Variants in C6orf132 observed in about 807,000 individuals in gnomAD.
C6orf132 encodes the protein chromosome 6 open reading frame 132.
In C6orf132, 43 loss-of-function variants were observed where a neutral mutation model predicts 65.3. The observed-to-expected ratio is 0.66, with a 90% confidence interval of 0.52 to 0.85. The LOEUF is 0.85. Among genes scored for constraint, C6orf132 ranks in the 40% least tolerant of loss-of-function variants. The pLI is 0.00. For missense variants in C6orf132, 1,488 were observed against 1,548.8 expected, an observed-to-expected ratio of 0.96 and a Z score of 0.66; for synonymous variants, 631 against 654.1, an observed-to-expected ratio of 0.96 and a Z score of 0.54.
At position 42,104,762 on chromosome 6, in the gene C6orf132, G is replaced by A. The variant is rs1218464181; in HGVS notation, c.3150C>T (p.Gly1050=). 9.6e-5 allele frequency: 146 copies of A among 1,513,848 alleles called. No individual in the cohort carries two copies. Among genetic ancestry groups the A allele is most frequent in the Non-Finnish European group, 1.2e-4 (134 of 1,137,656 alleles). 93.8% of individuals were successfully genotyped at this position (1,513,848 alleles called of 1,614,324 possible). ...PAGARYAGAG[G]LERFSGGGRS... Reference sequence around the variant, plus strand: ...GGCCCCCTCCCGAGAAGCGCTCCAGGCCCCCAGCCCCGGCGTAGCGCGCGC... The same window carrying A: ...GGCCCCCTCCCGAGAAGCGCTCCAGACCCCCAGCCCCGGCGTAGCGCGCGC... The change falls in exon 4 of 5, where the codon GGC becomes GGT. Residue 1050 remains glycine, a synonymous_variant. Transcript: ENST00000341865. The surrounding 1 kb of genome is among the most constrained non-coding windows in gnomAD (Gnocchi z 4.1).
At chr6:42,107,652 C>A in intron 3 of C6orf132, 69 bp from the exon 4 acceptor site, 1 of 1,542,722 alleles carries the variant, frequency 6.5e-7, no homozygotes, top group Non-Finnish European at 8.8e-7. Context: ...TTCTGTTTAC[C>A]CAGGGCAGGG....
intron 2 of C6orf132, among the ~76,000 whole-genome samples, chr6:42,120,036 G>C (rs1196566074): frequency 1.3e-5 from 2 of 151,560 alleles, no homozygotes; most frequent in African/African-American, 4.8e-5. Context: ...AGAGGTTGCG[G>C]TAAGCCAAGA....
intron 1 of C6orf132, among the ~76,000 whole-genome samples, chr6:42,136,469 A>G (rs1989592937): frequency 6.6e-6 from 1 of 152,074 alleles, no homozygotes; most frequent in South Asian, 2.1e-4. Flanking sequence ...TAGCTTGGGG[A>G]GTTTTTGCCT....
Position 42,106,704 on chromosome 6 carries a change from AGGGG to A in C6orf132, c.1204_1207del (p.Pro402SerfsTer114). Reference sequence around the variant, plus strand: ...GGGAAGTGGGGGTGCTGGGGGAGGGAGGGGGGGTGCAGGAGGGGGCAGGGGAGGG... The same window carrying A: ...GGGAAGTGGGGGTGCTGGGGGAGGGAGGGTGCAGGAGGGGGCAGGGGAGGG... On this transcript the variant is annotated frameshift_variant, in exon 4 of 5. Transcript: ENST00000341865. LOFTEE classifies it high-confidence loss of function. 2 of 187,676 alleles carry A rather than the reference AGGGG, an allele frequency of 1.1e-5. No individual in the cohort carries two copies. Among genetic ancestry groups the A allele is most frequent in the Non-Finnish European group, 1.4e-5 (2 of 146,054 alleles). 11.6% of individuals were successfully genotyped at this position (187,676 alleles called of 1,614,324 possible). A position where few individuals can be genotyped will look rare whatever the true frequency, so the allele number is the denominator to read the frequency against.
chr6:42,107,639 A>C (rs9394868), intron 3 of C6orf132, 56 bp from the exon 4 acceptor site: 306,389 of 1,547,740 alleles, frequency 0.2, 31,905 homozygotes, highest in African/African-American at 0.33. Flanking sequence ...TAGCCCTGCC[A>C]ATTTCTGTTT....
chr6:42,124,998 G>A lies in C6orf132; in HGVS notation c.252+3674C>T, dbSNP rs1286538047. On this transcript the variant is annotated intron_variant, in intron 2 of 4. Coordinates refer to ENST00000341865, the MANE Select transcript of C6orf132 (RefSeq NM_001164446.3). This position sits in a 1 kb window ranked among gnomAD's most constrained non-coding sequence, Gnocchi z 4.0. Reference sequence around the variant, plus strand: ...TATCATGGGTGGGCTTCAGTCCCCTGCTGAAATTGTAAGCAAAACTAGATG... The same window carrying A: ...TATCATGGGTGGGCTTCAGTCCCCTACTGAAATTGTAAGCAAAACTAGATG... 6.6e-6 allele frequency among the ~76,000 whole-genome samples: 1 copy of A among 152,182 alleles called. No homozygotes were observed. Among genetic ancestry groups the A allele is most frequent in the East Asian group, 1.9e-4 (1 of 5,180 alleles).
intron 2 of C6orf132, among the ~76,000 whole-genome samples, chr6:42,121,477 C>A (rs943498125): frequency 3.0e-4 from 46 of 152,338 alleles, no homozygotes; most frequent in African/African-American, 1.1e-3. Flanking sequence ...ACCTGTTGCA[C>A]CCCTGAGAGT....
Position 42,101,234 on chromosome 6 carries a change from G to A in C6orf132, c.*2527C>T, listed in dbSNP as rs1209326169. ...AACTACTAAGCGCTAGGCACGTGCT[G>A]GACGCTTTGCCTAAATCAGTATGTC... On this transcript the variant is annotated 3_prime_UTR_variant, in exon 5 of 5. Transcript: ENST00000341865. 1.3e-5 allele frequency: 2 copies of A among 152,092 alleles called. No individual in the cohort carries two copies. Among genetic ancestry groups the A allele is most frequent in the African/African-American group, 4.8e-5 (2 of 41,398 alleles). The allele number at this position is 152,092 out of a possible 1,614,324, so 9.4% of individuals were successfully genotyped here.
intron 1 of C6orf132, among the ~76,000 whole-genome samples, chr6:42,136,921 G>A (rs1005635038): frequency 2.0e-4 from 30 of 152,178 alleles, no homozygotes; most frequent in African/African-American, 6.8e-4. Flanking sequence ...TAAGGGGGAG[G>A]AGCAGAGTGA....
At chr6:42,115,473 C>T (rs918416915) in intron 2 of C6orf132, among the ~76,000 whole-genome samples, 4 of 151,376 alleles carry the variant, frequency 2.6e-5, no homozygotes, top group African/African-American at 7.3e-5. Context: ...GGCGAAACCC[C>T]GCCTCTACTA....
Position 42,104,811 on chromosome 6 carries a change from A to G in C6orf132, c.3101T>C (p.Leu1034Pro). ...PNAGPGAPPA[L>P]GFSRFPAGAR... ...GCCCGCGGGAAAGCGCGAGAAGCCG[A>G]GAGCCGGGGGCGCCCCGGGGCCAGC... Residue 1034 changes from leucine (L) to proline (P), a missense_variant, in exon 4 of 5, where the codon CTC becomes CCC. Physicochemically the swap from Leu to Pro is moderately conservative, Grantham distance 98 (BLOSUM62 -3). Transcript: ENST00000341865. The surrounding 1 kb of genome is among the most constrained non-coding windows in gnomAD (Gnocchi z 4.1). The G allele has an allele frequency of 6.8e-7, 1 of 1,477,908 alleles. No individual in the cohort carries two copies. Among genetic ancestry groups the G allele is most frequent in the Admixed American group, 2.5e-5 (1 of 39,830 alleles). The allele number at this position is 1,477,908 out of a possible 1,614,324, so 91.5% of individuals were successfully genotyped here. A position where few individuals can be genotyped will look rare whatever the true frequency, so the allele number is the denominator to read the frequency against.
Position 42,103,723 on chromosome 6 carries a change from A to T in C6orf132, c.*38T>A, listed in dbSNP as rs866623845. 1.7e-5 allele frequency: 21 copies of T among 1,251,086 alleles called. No individual in the cohort carries two copies. In the Middle Eastern group the frequency reaches 3.2e-3, roughly 193 times the overall value. 77.5% of individuals were successfully genotyped at this position (1,251,086 alleles called of 1,614,324 possible). On this transcript the variant is annotated 3_prime_UTR_variant, in exon 5 of 5. Coordinates refer to ENST00000341865, the MANE Select transcript of C6orf132 (RefSeq NM_001164446.3). Reference sequence around the variant, plus strand: ...GAAACAAGTGCCCAGATCCTTAAAGACACAGTTTGTTGGAGTAGAGCTAAG... The same window carrying T: ...GAAACAAGTGCCCAGATCCTTAAAGTCACAGTTTGTTGGAGTAGAGCTAAG...
At chr6:42,112,494 C>A (rs1243902853) in intron 2 of C6orf132, among the ~76,000 whole-genome samples, 2 of 152,194 alleles carry the variant, frequency 1.3e-5, no homozygotes, top group East Asian at 3.8e-4. Flanking sequence ...GTCTCAGTTT[C>A]CCCATCTGGG....
At position 42,128,663 on chromosome 6, in the gene C6orf132, C is replaced by G. The variant is rs1766804633; in HGVS notation, c.252+9G>C. ...AGACTCTCCAACCTCAGAGCAGAACCGTACTCACCAGCGGAAGGAAGGTCA... is the reference window on the plus strand; with the variant it reads ...AGACTCTCCAACCTCAGAGCAGAACGGTACTCACCAGCGGAAGGAAGGTCA... On this transcript the variant is annotated intron_variant, in intron 2 of 4. Transcript: ENST00000341865. The G allele has an allele frequency of 3.9e-6, 6 of 1,549,104 alleles. No homozygotes were observed. Among genetic ancestry groups the G allele is most frequent in the Non-Finnish European group, 5.2e-6 (6 of 1,145,376 alleles).
At chr6:42,136,075 C>A (rs1028440310) in intron 1 of C6orf132, among the ~76,000 whole-genome samples, 2 of 150,434 alleles carry the variant, frequency 1.3e-5, no homozygotes, top group African/African-American at 4.9e-5. Flanking sequence ...AACTAACCTG[C>A]ACATTGTGCA....
At chr6:42,133,849 GAGGT>G (rs1766897203) in intron 1 of C6orf132, among the ~76,000 whole-genome samples, 2 of 148,556 alleles carry the variant, frequency 1.3e-5, no homozygotes, top group East Asian at 2.0e-4. Context: ...CGGGGCGGGG[GAGGT>G]GGATTTACAC....
intron 1 of C6orf132, among the ~76,000 whole-genome samples, 200 bp from the exon 2 acceptor site, chr6:42,128,978 G>T (rs1766812106): frequency 6.6e-6 from 1 of 152,212 alleles, no homozygotes; most frequent in African/African-American, 2.4e-5. Context: ...GGTGGCGCTG[G>T]GTGAGGGACT....
intron 2 of C6orf132, among the ~76,000 whole-genome samples, chr6:42,114,420 TTGGGCCCACA>T (rs5875792): frequency 0.23 from 35,129 of 152,004 alleles, 4,481 homozygotes; most frequent in African/African-American, 0.34. Flanking sequence ...TCTTTCCCAC[TTGGGCCCACA>T]TGGGCCCACA....
At chr6:42,134,495 C>T (rs1047029182) in intron 1 of C6orf132, among the ~76,000 whole-genome samples, 5 of 151,768 alleles carry the variant, frequency 3.3e-5, no homozygotes, top group Admixed American at 1.3e-4. Context: ...GCCTGGCGGC[C>T]GGGCACAGTA....
Sources: allele counts gnomAD v4.1 joint callset (sites outside exome capture counted in the v4.1 genomes callset), GRCh38; gene constraint gnomAD v4.1.1; non-coding constraint Gnocchi (gnomAD v3.1); transcripts MANE v1.5; gene names NCBI Gene and HGNC (gene_info 2026-07-23, HGNC 2026-07-21).